FARS2: variants seen among roughly 807,000 people sequenced by gnomAD.
The protein encoded by FARS2 is phenylalanine--tRNA ligase, mitochondrial.
Under a neutral mutation model 46.4 loss-of-function variants are expected in FARS2, and 40 were observed. That is an observed-to-expected ratio of 0.86 (90% CI 0.67 to 1.12). The LOEUF (loss-of-function observed/expected upper bound fraction) is 1.12, where lower values mean the gene tolerates loss of function less well. Ranked by LOEUF, FARS2 falls within the 50% of genes most tolerant of loss-of-function variation. The pLI, the probability that FARS2 is intolerant of heterozygous loss-of-function variation, is 0.00. For missense variants in FARS2, 513 were observed against 567.9 expected (o/e 0.90, Z 0.98); for synonymous variants, 234 against 214.9 (o/e 1.09, Z -0.78).
chr6:5,351,060 A>G (rs1757542262), intron 1 of FARS2, among the ~76,000 whole-genome samples: 2 of 152,192 alleles, frequency 1.3e-5, no homozygotes, highest in South Asian at 4.1e-4. Flanking sequence ...TCAGAGCCAT[A>G]TGGGTGGTAG....
intron 4 of FARS2, among the ~76,000 whole-genome samples, chr6:5,526,043 A>G (rs929298221): frequency 2.6e-5 from 4 of 152,238 alleles, no homozygotes; most frequent in African/African-American, 9.6e-5. Context: ...TATCTATCCA[A>G]TAAGATTCAA....
intron 5 of FARS2, among the ~76,000 whole-genome samples, chr6:5,599,111 T>C (rs1179479419): frequency 6.6e-6 from 1 of 152,198 alleles, no homozygotes; most frequent in Non-Finnish European, 1.5e-5. Flanking sequence ...GAGCCAGCTC[T>C]GAGAGTTCAT....
rs2127767975 is a variant in FARS2, at chr6:5,431,141, CG to C, written c.877del (p.Val293Ter). The C allele has an allele frequency of 6.2e-7, 1 of 1,613,774 alleles. No individual in the cohort carries two copies. Among genetic ancestry groups the C allele is most frequent in the Non-Finnish European group, 8.5e-7 (1 of 1,179,792 alleles). On this transcript the variant is annotated frameshift_variant, in exon 4 of 7. Coordinates refer to ENST00000274680, the MANE Select transcript of FARS2 (RefSeq NM_006567.5). LOFTEE classifies it high-confidence loss of function. ...GAGAATGGCTGGAAGTTCTTGGCTG[CG>C]GGGTGATGGAACAACAACTGGTCAA... ...HGEWLEVLGC[G>X]VMEQQLVNSA...
intron 1 of FARS2, among the ~76,000 whole-genome samples, chr6:5,264,495 CTTTT>C (rs776344380): frequency 1.4e-5 from 2 of 139,076 alleles, no homozygotes; most frequent in Admixed American, 7.2e-5. Flanking sequence ...TTTCTTTTTT[CTTTT>C]TTTTTTTTTT....
rs542713083 is a variant in FARS2, at chr6:5,555,056, G to C, written c.1065+9716G>C. On this transcript the variant is annotated intron_variant, in intron 5 of 6. Transcript: ENST00000274680. ...CATAATTCCCACGTGTTGTGGGAGG[G>C]ACCAGATGGCAGATAATTTGAATCA... Among the ~76,000 whole-genome samples the C allele has an allele frequency of 2.0e-5, 3 of 152,216 alleles. No individual in the cohort carries two copies. The East Asian group carries it at 5.8e-4, about 29-fold the overall frequency.
At chr6:5,355,354 T>A (rs1390637066) in intron 1 of FARS2, among the ~76,000 whole-genome samples, 2 of 151,752 alleles carry the variant, frequency 1.3e-5, no homozygotes, top group Non-Finnish European at 2.9e-5. Context: ...TAATTTTACT[T>A]TTTTTAGGTT....
At chr6:5,329,685 G>A (rs1483207640) in intron 1 of FARS2, among the ~76,000 whole-genome samples, 1 of 152,142 alleles carries the variant, frequency 6.6e-6, no homozygotes, top group Non-Finnish European at 1.5e-5. Context: ...TTGCTAGAAG[G>A]TTTCCCAGAA....
At chr6:5,257,780 C>T (rs772038855), upstream of FARS2, among the ~76,000 whole-genome samples, 6 of 152,122 alleles carry the variant, frequency 3.9e-5, no homozygotes, top group Admixed American at 1.3e-4. Flanking sequence ...TCCCTTGACC[C>T]GGTCCATGGA....
intron 6 of FARS2, among the ~76,000 whole-genome samples, chr6:5,651,359 C>T (rs150545718): frequency 2.0e-5 from 3 of 152,298 alleles, no homozygotes; most frequent in East Asian, 3.9e-4. Context: ...GCAGAACCCT[C>T]GATTTTCTCC....
intron 1 of FARS2, among the ~76,000 whole-genome samples, chr6:5,332,788 T>C (rs1770886287): frequency 6.6e-6 from 1 of 152,208 alleles, no homozygotes; most frequent in South Asian, 2.1e-4. Flanking sequence ...TTAGTGATGA[T>C]ATGTGCAGGA....
At chr6:5,400,281 T>G (rs1761176515) in intron 2 of FARS2, among the ~76,000 whole-genome samples, 1 of 152,110 alleles carries the variant, frequency 6.6e-6, no homozygotes, top group Admixed American at 6.5e-5. Flanking sequence ...AATTGTCTGT[T>G]CTTTTTCTAT....
intron 1 of FARS2, among the ~76,000 whole-genome samples, chr6:5,358,344 G>A (rs1758069855): frequency 6.6e-6 from 1 of 151,936 alleles, no homozygotes; most frequent in Admixed American, 6.6e-5. Flanking sequence ...TCTTTTAAAT[G>A]CTGAATATTA....
At chr6:5,443,875 G>A (rs865952634) in intron 4 of FARS2, among the ~76,000 whole-genome samples, 11 of 152,192 alleles carry the variant, frequency 7.2e-5, no homozygotes, top group Admixed American at 2.0e-4. Flanking sequence ...TTTCTCTCAA[G>A]TATTTCCTCT....
At chr6:5,363,092 A>AGG (rs1758421283) in intron 1 of FARS2, among the ~76,000 whole-genome samples, 4 of 151,590 alleles carry the variant, frequency 2.6e-5, no homozygotes, top group Non-Finnish European at 4.4e-5. Context: ...ATGCTTGGCT[A>AGG]ATTTTTTATA....
At chr6:5,299,549 G>A (rs1264753758) in intron 1 of FARS2, among the ~76,000 whole-genome samples, 1 of 152,210 alleles carries the variant, frequency 6.6e-6, no homozygotes, top group Non-Finnish European at 1.5e-5. Context: ...GATGACACTT[G>A]GGGTTCAGGG....
intron 4 of FARS2, chr6:5,451,777 A>G (rs1355930586): frequency 4.6e-5 from 7 of 152,218 alleles, no homozygotes; most frequent in Admixed American, 4.6e-4. Flanking sequence ...AGAGATGGAA[A>G]GGTAACAATC....
At chr6:5,305,684 C>T (rs1561945568) in intron 1 of FARS2, among the ~76,000 whole-genome samples, 1 of 152,188 alleles carries the variant, frequency 6.6e-6, no homozygotes, top group Non-Finnish European at 1.5e-5. Flanking sequence ...GTCCTGATTC[C>T]TGGTCCAGTG....
At chr6:5,571,338 T>G (rs1465839749) in intron 5 of FARS2, among the ~76,000 whole-genome samples, 2 of 152,226 alleles carry the variant, frequency 1.3e-5, no homozygotes, top group Non-Finnish European at 2.9e-5. Flanking sequence ...ATACCTTCAT[T>G]TCAAATTGAT....
At chr6:5,581,847 G>A (rs1773350600) in intron 5 of FARS2, among the ~76,000 whole-genome samples, 1 of 151,878 alleles carries the variant, frequency 6.6e-6, no homozygotes, top group South Asian at 2.1e-4. Flanking sequence ...ACATACTTCC[G>A]GTTAATTCCT....
Sources: gnomAD v4.1 joint callset for allele counts (sites outside exome capture counted in the v4.1 genomes callset) on GRCh38, gnomAD v4.1.1 for gene constraint, MANE v1.5 for transcripts, NCBI Gene and HGNC (gene_info 2026-07-23, HGNC 2026-07-21) for gene names.